The following TENM2 variants were observed in gnomAD, a reference collection of about 807,000 sequenced individuals.
TENM2 encodes the protein teneurin transmembrane protein 2.
Under a neutral mutation model 245.2 loss-of-function variants are expected in TENM2, and 52 were observed. The ratio of observed to expected loss-of-function variants is 0.21; its 90% CI spans 0.17 to 0.27. The LOEUF is 0.27. Ranked by LOEUF, TENM2 falls within the 10% of genes least tolerant of loss-of-function variation. The pLI is 1.00. For synonymous variants in TENM2, 1,363 were observed against 1,438.9 expected, an observed-to-expected ratio of 0.95 and a Z score of 1.19; for missense variants, 3,046 against 3,666.8, an observed-to-expected ratio of 0.83 and a Z score of 4.37.
the TENM2 span, among the ~76,000 whole-genome samples, chr5:167,248,686 C>T: frequency 2.0e-5 from 3 of 151,716 alleles, no homozygotes; most frequent in Non-Finnish European, 2.9e-5. Context: ...TCAGCATTGG[C>T]GGACTTAGCT....
intron 2 of TENM2, among the ~76,000 whole-genome samples, chr5:167,544,727 C>G (rs1772441722): frequency 6.6e-6 from 1 of 152,196 alleles, no homozygotes; most frequent in East Asian, 1.9e-4. Context: ...GAGACAGACA[C>G]TAGGGAGTCA....
intron 7 of TENM2, among the ~76,000 whole-genome samples, chr5:168,067,560 G>T (rs1790616931): frequency 6.6e-6 from 1 of 152,156 alleles, no homozygotes; most frequent in Admixed American, 6.5e-5. Context: ...GCCAGTTCAG[G>T]TTTATTCCTT....
At chr5:167,222,539 A>T in the TENM2 span, among the ~76,000 whole-genome samples, 1 of 152,224 alleles carries the variant, frequency 6.6e-6, no homozygotes. Flanking sequence ...AGAGGAGGAC[A>T]TTGCCTATCA....
intron 2 of TENM2, among the ~76,000 whole-genome samples, chr5:167,642,048 G>A (rs548181821): frequency 6.6e-6 from 1 of 151,820 alleles, no homozygotes; most frequent in African/African-American, 2.4e-5. Flanking sequence ...GGCTGAGGCA[G>A]GAGATTCGCT....
chr5:167,814,991 T>C (rs1012368833), intron 2 of TENM2, among the ~76,000 whole-genome samples: 4 of 152,088 alleles, frequency 2.6e-5, no homozygotes, highest in African/African-American at 9.7e-5. Flanking sequence ...CCTTGGTCAG[T>C]GGGGATGAGT....
intron 2 of TENM2, among the ~76,000 whole-genome samples, chr5:167,714,048 A>G (rs772583527): frequency 4.9e-4 from 75 of 152,150 alleles, no homozygotes; most frequent in Non-Finnish European, 9.3e-4. Context: ...CTTAACCCTA[A>G]AGAAGTGAGG....
chr5:168,086,015 A>G (rs1465625907), intron 7 of TENM2, among the ~76,000 whole-genome samples: 1 of 152,208 alleles, frequency 6.6e-6, no homozygotes, highest in Non-Finnish European at 1.5e-5. Flanking sequence ...CAGCAAGAAA[A>G]TGTTCCAAAT....
At chr5:168,116,278 TCTC>T (rs1460333309) in intron 9 of TENM2, among the ~76,000 whole-genome samples, 1 of 152,090 alleles carries the variant, frequency 6.6e-6, no homozygotes, top group African/African-American at 2.4e-5. Context: ...AACTCATTCT[TCTC>T]CTCTGGTAAA....
the TENM2 span, among the ~76,000 whole-genome samples, chr5:167,186,625 T>TA: frequency 3.9e-5 from 6 of 152,124 alleles, no homozygotes; most frequent in African/African-American, 1.4e-4. Context: ...CCAGTCACCG[T>TA]AAAAAAGCAC....
the TENM2 span, among the ~76,000 whole-genome samples, chr5:167,241,561 A>T: frequency 6.6e-6 from 1 of 152,198 alleles, no homozygotes; most frequent in African/African-American, 2.4e-5. Flanking sequence ...CAAGGAACTG[A>T]AAGGATTCCA....
chr5:168,205,078 G>A (rs1562279492), intron 19 of TENM2, among the ~76,000 whole-genome samples: 3 of 152,278 alleles, frequency 2.0e-5, no homozygotes, highest in Admixed American at 6.5e-5. Flanking sequence ...GGCCAGCCTA[G>A]GTAGATTCCT....
At chr5:167,831,412 A>G (rs1328360423) in intron 2 of TENM2, among the ~76,000 whole-genome samples, 1 of 150,850 alleles carries the variant, frequency 6.6e-6, no homozygotes, top group Non-Finnish European at 1.5e-5. Context: ...TTATATTCCT[A>G]GTGGTTGCAG....
At chr5:167,236,530 G>A in the TENM2 span, among the ~76,000 whole-genome samples, 1 of 152,274 alleles carries the variant, frequency 6.6e-6, no homozygotes, top group East Asian at 1.9e-4. Flanking sequence ...TTGTCTCTGG[G>A]TCCTACTTTT....
the TENM2 span, among the ~76,000 whole-genome samples, chr5:167,096,326 C>A: frequency 1.3e-5 from 2 of 152,164 alleles, no homozygotes; most frequent in African/African-American, 2.4e-5. Flanking sequence ...TTTTAAATTA[C>A]CCCTGTTGAA....
chr5:167,349,977 T>A (rs1020275466), intron 1 of TENM2, among the ~76,000 whole-genome samples: 1 of 152,188 alleles, frequency 6.6e-6, no homozygotes, highest in African/African-American at 2.4e-5. Flanking sequence ...GTTTTTAAAT[T>A]TATAGTACAA....
intron 3 of TENM2, among the ~76,000 whole-genome samples, chr5:167,926,087 T>G (rs1777740903): frequency 6.6e-6 from 1 of 152,068 alleles, no homozygotes; most frequent in Non-Finnish European, 1.5e-5. Flanking sequence ...AACCTTCACG[T>G]GTACCCTCAA....
At chr5:168,236,948 A>T (rs1373424326) in intron 25 of TENM2, among the ~76,000 whole-genome samples, 1 of 754 alleles carries the variant, frequency 1.3e-3, no homozygotes, top group African/African-American at 4.7e-3. Context: ...TCATATATAT[A>T]TATATATATA....
intron 3 of TENM2, among the ~76,000 whole-genome samples, chr5:167,882,644 G>A (rs891110978): frequency 4.6e-5 from 7 of 152,172 alleles, no homozygotes; most frequent in African/African-American, 9.7e-5. Context: ...GCAGCAGGAA[G>A]GAGAAGTGCA....
At chr5:167,710,757 G>A (rs1483525985) in intron 2 of TENM2, among the ~76,000 whole-genome samples, 1 of 152,160 alleles carries the variant, frequency 6.6e-6, no homozygotes, top group Non-Finnish European at 1.5e-5. Context: ...AAGGTTTTAA[G>A]CAAAGGAATG....
Sources: gnomAD v4.1 joint callset for allele counts (sites outside exome capture counted in the v4.1 genomes callset) on GRCh38, gnomAD v4.1.1 for gene constraint, MANE v1.5 for transcripts, NCBI Gene and HGNC (gene_info 2026-07-23, HGNC 2026-07-21) for gene names.